The following KCTD3 variants were observed in gnomAD, a reference collection of about 807,000 sequenced individuals.
KCTD3 encodes the protein BTB/POZ domain-containing protein KCTD3.
A neutral mutation model predicts 85.8 loss-of-function variants in KCTD3; 41 were observed. The observed-to-expected ratio is 0.48, with a 90% CI of 0.37 to 0.62. The LOEUF (loss-of-function observed/expected upper bound fraction) is 0.62. KCTD3 is among the 20% of genes least tolerant of loss of function. KCTD3 has a pLI of 0.00. For missense variants in KCTD3, 724 were observed against 989.9 expected (o/e 0.73, Z 3.60); for synonymous variants, 338 against 345.4 (o/e 0.98, Z 0.24).
At chr1:215,590,936 C>A (rs1423253823) in intron 9 of KCTD3, among the ~76,000 whole-genome samples, 1 of 152,154 alleles carries the variant, frequency 6.6e-6, no homozygotes, top group Non-Finnish European at 1.5e-5. Context: ...TTTGTTCTGG[C>A]AGGCAATTAA....
chr1:215,578,002 A>G lies in KCTD3; in HGVS notation c.318A>G (p.Val106=). The G allele has an allele frequency of 6.2e-7, 1 of 1,610,054 alleles. No individual in the cohort carries two copies. The highest frequency in any genetic ancestry group is 8.5e-7 in the Non-Finnish European group (1 of 1,177,712). The change falls in exon 6 of 18, where the codon GTA becomes GTG. Residue 106 remains valine, a splice_region_variant and synonymous_variant. Coordinates refer to ENST00000259154, the MANE Select transcript of KCTD3 (RefSeq NM_016121.5). The part of the protein sequence containing the change: ...EAEFYGITPL[V]RRLLLCEELE... ...AAGTTTGCTTTGAAATGTTTTTAGT[A>G]AGAAGGCTTCTCTTATGTGAAGAAT...
chr1:215,567,878 C>T (rs915275744), intron 1 of KCTD3, 110 bp downstream of exon 1: 5 of 723,472 alleles, frequency 6.9e-6, no homozygotes, highest in Non-Finnish European at 9.5e-6. Flanking sequence ...GGAGGCCAAG[C>T]CTGGAGGGGA....
chr1:215,603,116 G>C (rs1218253980), intron 12 of KCTD3, among the ~76,000 whole-genome samples: 3 of 152,102 alleles, frequency 2.0e-5, no homozygotes, highest in African/African-American at 7.2e-5. Flanking sequence ...CTTACGGAAA[G>C]TGTACCAACC....
At chr1:215,603,927 G>C (rs1328239965) in intron 12 of KCTD3, among the ~76,000 whole-genome samples, 1 of 152,086 alleles carries the variant, frequency 6.6e-6, no homozygotes, top group African/African-American at 2.4e-5. Context: ...CTTGGAGTGA[G>C]GGTTAGGAAA....
intron 13 of KCTD3, among the ~76,000 whole-genome samples, chr1:215,606,618 G>A (rs953316943): frequency 6.6e-6 from 1 of 151,924 alleles, no homozygotes. Context: ...TGTTATTGTG[G>A]GATGTGATAC....
chr1:215,607,530 T>A (rs1417094990), intron 13 of KCTD3, among the ~76,000 whole-genome samples: 5 of 152,056 alleles, frequency 3.3e-5, no homozygotes, highest in African/African-American at 1.2e-4. Context: ...TTTTCCTTAA[T>A]GTAACTATGA....
chr1:215,587,513 T>G (rs930640967), intron 9 of KCTD3, among the ~76,000 whole-genome samples: 3 of 152,234 alleles, frequency 2.0e-5, no homozygotes, highest in African/African-American at 4.8e-5. Context: ...GTTATAATAA[T>G]CCATTGCATA....
intron 2 of KCTD3, 60 bp from the exon 3 acceptor site, chr1:215,574,013 T>C: frequency 8.0e-7 from 1 of 1,249,304 alleles, no homozygotes; most frequent in Non-Finnish European, 1.2e-6. Flanking sequence ...GGTAAAGAAT[T>C]AGCACATTTG....
chr1:215,589,171 T>C (rs2102573779), intron 9 of KCTD3, among the ~76,000 whole-genome samples: 1 of 152,260 alleles, frequency 6.6e-6, no homozygotes, highest in East Asian at 1.9e-4. Context: ...GGTCTTGCTC[T>C]GTCACACAGG....
intron 11 of KCTD3, 42 bp downstream of exon 11, chr1:215,601,996 T>C (rs372233368): frequency 7.0e-7 from 1 of 1,423,534 alleles, no homozygotes; most frequent in Non-Finnish European, 9.8e-7. Flanking sequence ...TTAATGTAAT[T>C]TTTTAAATGA....
At chr1:215,596,048 A>G (rs376240138) in intron 10 of KCTD3, among the ~76,000 whole-genome samples, 7 of 152,196 alleles carry the variant, frequency 4.6e-5, no homozygotes, top group Non-Finnish European at 1.0e-4. Flanking sequence ...GAGCACCTCA[A>G]CTAATGGCAG....
chr1:215,568,581 C>T (rs1659245194), intron 1 of KCTD3, among the ~76,000 whole-genome samples: 3 of 144,604 alleles, frequency 2.1e-5, no homozygotes, highest in East Asian at 4.1e-4. Flanking sequence ...ATGAGTCACT[C>T]CTCTCAGAAA....
Position 215,611,885 on chromosome 1 carries a change from A to G in KCTD3, c.1526A>G (p.Asn509Ser), listed in dbSNP as rs748850999. Residue 509 changes from asparagine to serine, a missense_variant, in exon 15 of 18, where the codon AAC becomes AGC. Physicochemically the swap from Asn to Ser is conservative, Grantham distance 46 (BLOSUM62 1). Coordinates refer to ENST00000259154, the MANE Select transcript of KCTD3 (RefSeq NM_016121.5). The stretch of plus-strand genomic sequence containing the variant: ...ATCCAGAAAGTTGTTCCCATCACCA[A>G]CAAACTATTTGTAAGACTCTCATCG... ...VFIQKVVPITNKLFVRLSSTG... is the reference protein window; with the variant it reads ...VFIQKVVPITSKLFVRLSSTG... 17 of 1,609,230 alleles carry G rather than the reference A, an allele frequency of 1.1e-5. No individual in the cohort carries two copies. In the African/African-American group the frequency reaches 1.2e-4, roughly 11 times the overall value.
In KCTD3 at chr1:215,567,551, C is replaced by T. The variant is rs961953336; in HGVS notation, c.-135C>T. The T allele has an allele frequency of 1.1e-5, 4 of 362,372 alleles. No individual in the cohort carries two copies. The highest frequency in any genetic ancestry group is 1.8e-5 in the Non-Finnish European group (4 of 217,090). 22.4% of individuals were successfully genotyped at this position (362,372 alleles called of 1,614,324 possible). On this transcript the variant is annotated 5_prime_UTR_variant, in exon 1 of 18. Coordinates refer to ENST00000259154, the MANE Select transcript of KCTD3 (RefSeq NM_016121.5). Reference sequence around the variant, plus strand: ...GGCCGCCGGGAAGGTGGGGGAAGCCCCGTGCACCCCCCGCCCTCCGGCCGC... The same window carrying T: ...GGCCGCCGGGAAGGTGGGGGAAGCCTCGTGCACCCCCCGCCCTCCGGCCGC...
intron 4 of KCTD3, 148 bp downstream of exon 4, chr1:215,576,122 G>A: frequency 1.7e-6 from 1 of 583,392 alleles, no homozygotes; most frequent in South Asian, 2.2e-5. Flanking sequence ...GTGCAGGAGT[G>A]CAGTGGCATG....
chr1:215,614,032 T>TG (rs1558245482), intron 15 of KCTD3, among the ~76,000 whole-genome samples: 4 of 137,824 alleles, frequency 2.9e-5, no homozygotes, highest in African/African-American at 8.4e-5. Flanking sequence ...TTTTTTTTTT[T>TG]TTTTTTTTTT....
At position 215,590,215 on chromosome 1, in the gene KCTD3, T is replaced by G. The variant is rs146198746; in HGVS notation, c.817+3530T>G. Among the ~76,000 whole-genome samples the G allele has an allele frequency of 4.7e-3, 711 of 152,318 alleles. 3 individuals carry two copies. The highest frequency in any genetic ancestry group is 0.014 in the Middle Eastern group (4 of 294). On this transcript the variant is annotated intron_variant, in intron 9 of 17. Transcript: ENST00000259154. The stretch of plus-strand genomic sequence containing the variant: ...AATATTAAGCATCGTTTCCTGTACT[T>G]AATGACCGTTTGTATATTTTCTTTT...
At chr1:215,586,203 T>G (rs1660000952) in intron 8 of KCTD3, among the ~76,000 whole-genome samples, 2 of 152,186 alleles carry the variant, frequency 1.3e-5, no homozygotes, top group Admixed American at 1.3e-4. Context: ...TGAAATTTTT[T>G]AAAATTTGGA....
intron 8 of KCTD3, 26 bp downstream of exon 8, chr1:215,580,025 CT>C: frequency 7.4e-7 from 1 of 1,357,136 alleles, no homozygotes; most frequent in Non-Finnish European, 1.0e-6. Flanking sequence ...TAATGCTTTG[CT>C]TTTACAGGTG....
Sources: gnomAD v4.1 joint callset for allele counts (sites outside exome capture counted in the v4.1 genomes callset) on GRCh38, gnomAD v4.1.1 for gene constraint, MANE v1.5 for transcripts, NCBI Gene and HGNC (gene_info 2026-07-23, HGNC 2026-07-21) for gene names.